MFN2: variants seen among roughly 807,000 people sequenced by gnomAD.
The protein encoded by MFN2 is mitofusin-2.
Under a neutral mutation model 87.5 loss-of-function variants are expected in MFN2, and 43 were observed. The observed-to-expected ratio is 0.49, with a 90% CI of 0.38 to 0.63. The LOEUF is 0.63. Ranked by LOEUF, MFN2 falls within the 30% of genes least tolerant of loss-of-function variation. The pLI is 0.00. For missense variants in MFN2, 743 were observed against 972.8 expected, an observed-to-expected ratio of 0.76 and a Z score of 3.14; for synonymous variants, 337 against 359.9, an observed-to-expected ratio of 0.94 and a Z score of 0.72.
At chr1:11,984,740 A>G (rs1189568909) in intron 2 of MFN2, among the ~76,000 whole-genome samples, 1 of 152,234 alleles carries the variant, frequency 6.6e-6, no homozygotes, top group Non-Finnish European at 1.5e-5. Context: ...TGAAGCTTCC[A>G]TAAAAATCCA....
rs557077901 is a variant in MFN2 at position 11,998,657 on chromosome 1, C to G, written c.600-113C>G. 2.3e-4 allele frequency: 209 copies of G among 927,758 alleles called. 5 individuals carry two copies. The South Asian group carries it at 2.6e-3, about 12-fold the overall frequency. 57.5% of individuals were successfully genotyped at this position (927,758 alleles called of 1,614,324 possible). ...GGCCAGGCCTGATTTCTCTCCCGTC[C>G]CTGGCTTTCTCCTCCATGACCTGCC... is the stretch of plus-strand genomic sequence containing the variant. On this transcript the variant is annotated intron_variant, in intron 6 of 18. Coordinates refer to ENST00000235329, the MANE Select transcript of MFN2 (RefSeq NM_014874.4).
chr1:11,990,987 A>G (rs1426187168), intron 3 of MFN2, among the ~76,000 whole-genome samples: 2 of 152,178 alleles, frequency 1.3e-5, no homozygotes, highest in Non-Finnish European at 2.9e-5. Context: ...GAGTGTTCTC[A>G]GGGCTGGGGC....
rs1414999578 is a variant in MFN2, at chr1:12,004,392, T to C, written c.1288-117T>C. 1.0e-5 allele frequency: 10 copies of C among 1,000,004 alleles called. No individual in the cohort carries two copies. The highest frequency in any genetic ancestry group is 1.7e-5 in the Admixed American group (1 of 59,068). The allele number at this position is 1,000,004 out of a possible 1,614,324, so 61.9% of individuals were successfully genotyped here. A position where few individuals can be genotyped will look rare whatever the true frequency, so the allele number is the denominator to read the frequency against. ...AGAGGCTTTAATTCCATAGAGGAGC[T>C]GAGGAGGCTGCTGGTTTGAGAGGAA... On this transcript the variant is annotated intron_variant, in intron 12 of 18. Coordinates refer to ENST00000235329, the MANE Select transcript of MFN2 (RefSeq NM_014874.4). This position sits in a 1 kb window ranked among gnomAD's most constrained non-coding sequence, Gnocchi z 4.2.
intron 6 of MFN2, among the ~76,000 whole-genome samples, chr1:11,998,037 C>T (rs1355505898): frequency 1.3e-5 from 2 of 151,320 alleles, no homozygotes; most frequent in Admixed American, 6.6e-5. Context: ...GTGCCCGCCA[C>T]CATGCCTGGC....
Position 12,009,745 on chromosome 1 carries a change from G to C in MFN2, c.2204+19G>C, listed in dbSNP as rs770198532. ...TGCTCAGGTGAGGCTGGCCCGTGTG[G>C]CCAAAGGTTAGGGCTCCAGGGTGCA... On this transcript the variant is annotated intron_variant, in intron 18 of 18. Coordinates refer to ENST00000235329, the MANE Select transcript of MFN2 (RefSeq NM_014874.4). The C allele has an allele frequency of 5.6e-6, 9 of 1,613,964 alleles. No homozygotes were observed. The highest frequency in any genetic ancestry group is 5.0e-5 in the Admixed American group (3 of 60,006).
In MFN2 at chr1:12,004,858, C is replaced by T. The variant is rs1266361856; in HGVS notation, c.1426C>T (p.Arg476Ter). The change falls in exon 14 of 19, where the codon CGA becomes TGA. Residue 476 changes from arginine to a stop codon, truncating the protein, a stop_gained. Coordinates refer to ENST00000235329, the MANE Select transcript of MFN2 (RefSeq NM_014874.4). LOFTEE classifies it high-confidence loss of function. The surrounding 1 kb of genome is among the most constrained non-coding windows in gnomAD (Gnocchi z 4.2). Reference sequence around the variant, plus strand: ...CCGCCACATAGAGGAAGGACTGGGTCGAAACATGTCTGACCGCTGCTCCAC... The same window carrying T: ...CCGCCACATAGAGGAAGGACTGGGTTGAAACATGTCTGACCGCTGCTCCAC... ...LHRHIEEGLGRNMSDRCSTAI... is the reference protein window; with the variant it reads ...LHRHIEEGLG 6.2e-7 allele frequency: 1 copy of T among 1,613,904 alleles called. No homozygotes were observed. Among genetic ancestry groups the T allele is most frequent in the Non-Finnish European group, 8.5e-7 (1 of 1,179,912 alleles).
intron 16 of MFN2, 108 bp downstream of exon 16, chr1:12,006,801 A>C: frequency 6.7e-7 from 1 of 1,486,386 alleles, no homozygotes; most frequent in Non-Finnish European, 9.3e-7. Context: ...TCCACAGTCC[A>C]CTGCATACTT....
chr1:12,010,096 G>A (rs1639625243), intron 18 of MFN2, among the ~76,000 whole-genome samples: 1 of 152,208 alleles, frequency 6.6e-6, no homozygotes. Context: ...GGAGGTTGCA[G>A]TGAGCCGAGA....
chr1:11,988,176 C>T (rs1638508995), intron 2 of MFN2, among the ~76,000 whole-genome samples: 1 of 151,788 alleles, frequency 6.6e-6, no homozygotes, highest in African/African-American at 2.4e-5. Context: ...GATCTCGGCT[C>T]ACTGCAACCT....
In MFN2 at chr1:12,011,601, G is replaced by A. The variant is rs377468070; in HGVS notation, c.*36G>A. The A allele has an allele frequency of 1.3e-4, 202 of 1,609,444 alleles. No homozygotes were observed. Among genetic ancestry groups the A allele is most frequent in the Non-Finnish European group, 1.6e-4 (188 of 1,177,060 alleles). On this transcript the variant is annotated 3_prime_UTR_variant, in exon 19 of 19. Coordinates refer to ENST00000235329, the MANE Select transcript of MFN2 (RefSeq NM_014874.4). ...AGGCGGAGTCTGCGTGGAGAGGGGC[G>A]GTGCTGCCAGCCCTAAGTGCCATGT... is the stretch of plus-strand genomic sequence containing the variant.
At position 11,998,991 on chromosome 1, in the gene MFN2, A is replaced by G; in HGVS notation, c.712A>G (p.Lys238Glu). ...NSESTLMQTE[K>E]HFFHKVSERL... ...CGAGGTCTTACCCTTTATCTAGGAA[A>G]AGCACTTCTTCCACAAGGTGAGTGA... Residue 238 changes from lysine to glutamate, a missense_variant, in exon 8 of 19, where the codon AAG (lysine) becomes GAG (glutamate). Coordinates refer to ENST00000235329, the MANE Select transcript of MFN2 (RefSeq NM_014874.4). 6.2e-7 allele frequency: 1 copy of G among 1,614,108 alleles called. No homozygotes were observed. Among genetic ancestry groups the G allele is most frequent in the Non-Finnish European group, 8.5e-7 (1 of 1,180,010 alleles).
chr1:12,007,004 G>A (rs1292770407), intron 16 of MFN2, 49 bp from the exon 17 acceptor site: 2 of 1,605,152 alleles, frequency 1.2e-6, no homozygotes, highest in Non-Finnish European at 1.7e-6. Context: ...CCCCAGAGGA[G>A]GGTGGGCCAC....
Position 11,999,042 on chromosome 1 carries a change from A to G in MFN2, c.763A>G (p.Ile255Val). The change falls in exon 8 of 19, where the codon ATC becomes GTC. Residue 255 changes from isoleucine (I) to valine (V), a missense_variant. Transcript: ENST00000235329. ...GCGTCTCTCCCGGCCAAACATCTTC[A>G]TCCTGAACAACCGCTGGGATGCATC... ...SERLSRPNIFILNNRWDASAS... is the reference protein window; with the variant it reads ...SERLSRPNIFVLNNRWDASAS... The G allele has an allele frequency of 6.2e-7, 1 of 1,614,132 alleles. No individual in the cohort carries two copies. Among genetic ancestry groups the G allele is most frequent in the Non-Finnish European group, 8.5e-7 (1 of 1,180,022 alleles).
rs182676643 is a variant in MFN2 at position 12,010,333 on chromosome 1, G to A, written c.2204+607G>A. Among the ~76,000 whole-genome samples, 19 of 152,284 alleles carry A rather than the reference G, an allele frequency of 1.2e-4. 1 individual carries two copies. Among genetic ancestry groups the A allele is most frequent in the Admixed American group, 9.8e-4 (15 of 15,298 alleles). The stretch of plus-strand genomic sequence containing the variant: ...TGTGCTGAACCGCAGGGCCTACAGC[G>A]CTTAACATGTGCTATTTCACTCAGT... On this transcript the variant is annotated intron_variant, in intron 18 of 18. Coordinates refer to ENST00000235329, the MANE Select transcript of MFN2 (RefSeq NM_014874.4).
rs143018927 is a variant in MFN2 at position 11,992,430 on chromosome 1, C to T, written c.176-125C>T. 2.2e-4 allele frequency: 271 copies of T among 1,208,572 alleles called. 1 individual carries two copies. Among genetic ancestry groups the T allele is most frequent in the African/African-American group, 1.7e-3 (115 of 66,858 alleles). 74.9% of individuals were successfully genotyped at this position (1,208,572 alleles called of 1,614,324 possible). On this transcript the variant is annotated intron_variant, in intron 3 of 18. Coordinates refer to ENST00000235329, the MANE Select transcript of MFN2 (RefSeq NM_014874.4). The stretch of plus-strand genomic sequence containing the variant: ...ATAGAGGATCTGGAGCTCAGCCTGT[C>T]GGCTGCAGGGTGCCAGAGGTGGACT...
chr1:11,989,837 A>G (rs1481706784), intron 3 of MFN2, among the ~76,000 whole-genome samples: 1 of 152,148 alleles, frequency 6.6e-6, no homozygotes, highest in African/African-American at 2.4e-5. Flanking sequence ...CACGTCACCT[A>G]TGCCTTTTCT....
In MFN2 at chr1:12,007,350, G is replaced by A. The variant is rs1639471359; in HGVS notation, c.2069+101G>A. The A allele has an allele frequency of 1.0e-5, 15 of 1,429,390 alleles. No individual in the cohort carries two copies. In the South Asian group the frequency reaches 1.5e-4, roughly 14 times the overall value. 88.5% of individuals were successfully genotyped at this position (1,429,390 alleles called of 1,614,324 possible). On this transcript the variant is annotated intron_variant, in intron 17 of 18. Coordinates refer to ENST00000235329, the MANE Select transcript of MFN2 (RefSeq NM_014874.4). ...TTCCCACGTGGCCTGGAAGCCACTG[G>A]GTCCTAAGCATCGTAGACCCTGGGC...
chr1:12,005,672 T>C (rs1377020024), intron 14 of MFN2, 39 bp from the exon 15 acceptor site: 49 of 1,592,370 alleles, frequency 3.1e-5, no homozygotes, highest in Non-Finnish European at 4.0e-5. Flanking sequence ...GGTGCAGGGC[T>C]GAGCTGATAA....
Position 11,987,608 on chromosome 1 carries a change from C to T in MFN2, c.-4-1557C>T, listed in dbSNP as rs866311184. Among the ~76,000 whole-genome samples the T allele has an allele frequency of 4.1e-5, 5 of 123,322 alleles. 1 individual carries two copies. Among genetic ancestry groups the T allele is most frequent in the African/African-American group, 1.3e-4 (4 of 30,954 alleles). The allele number at this position is 123,322 out of a possible 152,430, so 80.9% of individuals were successfully genotyped here. A position where few individuals can be genotyped will look rare whatever the true frequency, so the allele number is the denominator to read the frequency against. On this transcript the variant is annotated intron_variant, in intron 2 of 18. Transcript: ENST00000235329. ...TCATGCCACAGCACTCCAGCCTGAG[C>T]GATAGAGCAAGACTCTGTCTCAGAA...
Sources: gnomAD v4.1 joint callset for allele counts (sites outside exome capture counted in the v4.1 genomes callset) on GRCh38, gnomAD v4.1.1 for gene constraint, Gnocchi (gnomAD v3.1) non-coding constraint, MANE v1.5 for transcripts, NCBI Gene and HGNC (gene_info 2026-07-23, HGNC 2026-07-21) for gene names.